Variants in ABCD3 observed in about 807,000 individuals in gnomAD.
ABCD3 encodes the protein ATP binding cassette subfamily D member 3.
ABCD3 carries 41 observed loss-of-function variants against 105.5 expected under a neutral mutation model. The ratio of observed to expected loss-of-function variants is 0.39; its 90% CI spans 0.30 to 0.50. The LOEUF (loss-of-function observed/expected upper bound fraction) is 0.50. Among genes scored for constraint, ABCD3 ranks in the 20% least tolerant of loss-of-function variants. The probability of loss-of-function intolerance (pLI) is 0.84; values close to 1 mark genes in which losing one functional copy is unlikely to be tolerated. For missense variants in ABCD3, 622 were observed against 806.3 expected (o/e 0.77, Z 2.77); for synonymous variants, 258 against 269.0 (o/e 0.96, Z 0.40).
intron 1 of ABCD3, among the ~76,000 whole-genome samples, chr1:94,422,704 G>A (rs561148429): frequency 2.8e-4 from 43 of 152,274 alleles, no homozygotes; most frequent in Non-Finnish European, 4.4e-4. Context: ...ACTTTTAAGC[G>A]TAATTGACAG....
At chr1:94,432,733 T>A (rs1013655890) in intron 1 of ABCD3, 1 of 152,206 alleles carries the variant, frequency 6.6e-6, no homozygotes, top group African/African-American at 2.4e-5. Context: ...ATTCAGGGGT[T>A]AAAAAAGGTT....
the ABCD3 span, among the ~76,000 whole-genome samples, chr1:94,385,482 G>T: frequency 6.6e-6 from 1 of 152,196 alleles, no homozygotes; most frequent in Non-Finnish European, 1.5e-5. Context: ...CCAGAGGACT[G>T]TACCCATGCT....
intron 2 of ABCD3, among the ~76,000 whole-genome samples, chr1:94,461,710 T>C (rs538079635): frequency 3.9e-5 from 6 of 152,252 alleles, no homozygotes; most frequent in African/African-American, 1.2e-4. Flanking sequence ...ATGATTTATG[T>C]AATATTGGTG....
At position 94,502,238 on chromosome 1, in the gene ABCD3, CCTT is replaced by C. The variant is rs564077087; in HGVS notation, c.1740+2627_1740+2629del. ...TAGCAATCATTTTACTTATTTTTAT[CCTT>C]CTCTCATTTTTCATGACAATCATTT... On this transcript the variant is annotated intron_variant, in intron 20 of 22. Transcript: ENST00000370214. Among the ~76,000 whole-genome samples, 371 of 152,270 alleles carry C rather than the reference CCTT, an allele frequency of 2.4e-3. 1 individual carries two copies. The highest frequency in any genetic ancestry group is 8.7e-3 in the African/African-American group (361 of 41,558).
chr1:94,389,105 C>G, the ABCD3 span, among the ~76,000 whole-genome samples: 2 of 152,148 alleles, frequency 1.3e-5, no homozygotes, highest in Admixed American at 6.5e-5. Flanking sequence ...TAAAGTATCT[C>G]CAGGGCAGGA....
intron 1 of ABCD3, among the ~76,000 whole-genome samples, chr1:94,427,149 A>G (rs922345167): frequency 5.3e-5 from 8 of 152,154 alleles, no homozygotes; most frequent in African/African-American, 1.9e-4. Context: ...GCATTCTGAC[A>G]GTATCCATAA....
At chr1:94,455,698 A>G in intron 1 of ABCD3, 1 of 502,242 alleles carries the variant, frequency 2.0e-6, no homozygotes, top group Non-Finnish European at 3.7e-6. Context: ...GGCCAATTGA[A>G]GCTTTATAAG....
At chr1:94,471,307 C>T (rs371795996) in intron 4 of ABCD3, among the ~76,000 whole-genome samples, 38 of 151,972 alleles carry the variant, frequency 2.5e-4, no homozygotes, top group African/African-American at 8.9e-4. Flanking sequence ...CCTGTAATCC[C>T]AACACTTTGG....
At chr1:94,387,280 A>T in the ABCD3 span, among the ~76,000 whole-genome samples, 1 of 152,212 alleles carries the variant, frequency 6.6e-6, no homozygotes, top group Non-Finnish European at 1.5e-5. Flanking sequence ...GAAATAGTCC[A>T]TACCATCATT....
At chr1:94,478,833 C>T in intron 8 of ABCD3, 1 of 331,664 alleles carries the variant, frequency 3.0e-6, no homozygotes, top group South Asian at 1.3e-4. Flanking sequence ...GTGGGTGTAA[C>T]AGTTCCAAGA....
rs141419618 is a variant in ABCD3, at chr1:94,431,661, A to G, written c.110+13073A>G. 8.8e-3 allele frequency among the ~76,000 whole-genome samples: 1,347 copies of G among 152,264 alleles called. 5 individuals are homozygous for G. The highest frequency in any genetic ancestry group is 0.015 in the Non-Finnish European group (1,005 of 68,008). On this transcript the variant is annotated intron_variant, in intron 1 of 22. Coordinates refer to ENST00000370214, the MANE Select transcript of ABCD3 (RefSeq NM_002858.4). ...CTGCAGCCTTGACTTCCTGGGCTCA[A>G]TTGATCCTCCCACCTCAGCCTCCTG...
intron 18 of ABCD3, 43 bp downstream of exon 18, chr1:94,498,891 G>T (rs1284035878): frequency 6.2e-7 from 1 of 1,610,322 alleles, no homozygotes; most frequent in Admixed American, 1.7e-5. Context: ...AGATCTTTTT[G>T]TTTATTTATT....
chr1:94,446,815 T>C (rs1660365896), intron 1 of ABCD3, among the ~76,000 whole-genome samples: 1 of 152,218 alleles, frequency 6.6e-6, no homozygotes, highest in African/African-American at 2.4e-5. Context: ...AAAGTAGTTA[T>C]ATTTTGCATT....
intron 15 of ABCD3, among the ~76,000 whole-genome samples, chr1:94,490,472 CAAGT>C (rs1649477598): frequency 6.6e-6 from 1 of 151,968 alleles, no homozygotes; most frequent in Admixed American, 6.6e-5. Flanking sequence ...ATTCCACATA[CAAGT>C]AAGATCACAT....
At chr1:94,476,929 G>A (rs756315277) in intron 7 of ABCD3, among the ~76,000 whole-genome samples, 2 of 151,286 alleles carry the variant, frequency 1.3e-5, no homozygotes, top group Non-Finnish European at 2.9e-5. Context: ...GTGTGTGTAT[G>A]CATGCATGCA....
chr1:94,417,292 C>A (rs1313247687), upstream of ABCD3, among the ~76,000 whole-genome samples: 1 of 152,212 alleles, frequency 6.6e-6, no homozygotes. Flanking sequence ...CTGTATTAGG[C>A]AACAGCTCAT....
At chr1:94,466,493 A>G (rs1173922794) in intron 3 of ABCD3, among the ~76,000 whole-genome samples, 2 of 152,088 alleles carry the variant, frequency 1.3e-5, no homozygotes, top group African/African-American at 4.8e-5. Flanking sequence ...CCTTCCTTTT[A>G]ATACCATCTG....
chr1:94,498,906 C>T, intron 18 of ABCD3, 39 bp from the exon 19 acceptor site: 1 of 1,610,012 alleles, frequency 6.2e-7, no homozygotes, highest in Non-Finnish European at 8.5e-7. Flanking sequence ...TTTATTTTTT[C>T]ATGTTGCTTC....
At chr1:94,471,041 G>A (rs535310665) in intron 4 of ABCD3, among the ~76,000 whole-genome samples, 1 of 152,130 alleles carries the variant, frequency 6.6e-6, no homozygotes, top group African/African-American at 2.4e-5. Flanking sequence ...AAAAGTAAGT[G>A]CCTTAAACAC....
Sources: allele counts gnomAD v4.1 joint callset (sites outside exome capture counted in the v4.1 genomes callset), GRCh38; gene constraint gnomAD v4.1.1; transcripts MANE v1.5; gene names NCBI Gene and HGNC (gene_info 2026-07-23, HGNC 2026-07-21).